Variants in RBM48 observed in about 807,000 individuals in gnomAD.
RBM48 encodes RNA-binding protein 48.
A neutral mutation model predicts 34.8 loss-of-function variants in RBM48; 32 were observed. The observed-to-expected ratio is 0.92, with a 90% CI of 0.69 to 1.23. The LOEUF is 1.23. Among genes scored for constraint, RBM48 ranks in the 50% most tolerant of loss-of-function variants. The pLI, the probability that RBM48 is intolerant of heterozygous loss-of-function variation, is 0.00. For missense variants in RBM48, 441 were observed against 447.2 expected (o/e 0.99, Z 0.12); for synonymous variants, 151 against 156.2 (o/e 0.97, Z 0.25).
At chr7:92,536,278 A>G (rs1396052571) in intron 4 of RBM48, 14 of 981,728 alleles carry the variant, frequency 1.4e-5, no homozygotes, top group Non-Finnish European at 1.5e-5. Flanking sequence ...TTCTAGGTCC[A>G]GAAATAGAAC....
chr7:92,531,132 T>G (rs1464827468), intron 2 of RBM48, among the ~76,000 whole-genome samples: 2 of 152,198 alleles, frequency 1.3e-5, no homozygotes, highest in Non-Finnish European at 2.9e-5. Context: ...CACTGCTTAC[T>G]AGCTTCATGA....
At chr7:92,532,680 G>T in intron 3 of RBM48, 131 bp downstream of exon 3, 1 of 656,918 alleles carries the variant, frequency 1.5e-6, no homozygotes, top group Non-Finnish European at 2.6e-6. Flanking sequence ...GTGAACCACA[G>T]GGTTCTCTGC....
intron 2 of RBM48, among the ~76,000 whole-genome samples, chr7:92,530,214 C>T (rs554186132): frequency 6.6e-6 from 1 of 151,058 alleles, no homozygotes; most frequent in South Asian, 2.1e-4. Flanking sequence ...GGTTTGAAGC[C>T]TGGGCGTGGT....
Position 92,539,559 on chromosome 7 carries a change from C to A in RBM48, c.*2622C>A, listed in dbSNP as rs1456085497. Among the ~76,000 whole-genome samples the A allele has an allele frequency of 6.6e-6, 1 of 152,092 alleles. No individual in the cohort carries two copies. Among genetic ancestry groups the A allele is most frequent in the African/African-American group, 2.4e-5 (1 of 41,412 alleles). ...TCTACAAAAAATACAAAAAGCCAGG[C>A]GTGGTGGCAAATGCCTATAATCCCA... On this transcript the variant is annotated 3_prime_UTR_variant, in exon 5 of 5. Transcript: ENST00000265732.
At chr7:92,536,799 C>T (rs1793724707) in intron 4 of RBM48, 52 bp from the exon 5 acceptor site, 2 of 1,518,322 alleles carry the variant, frequency 1.3e-6, no homozygotes, top group Admixed American at 2.5e-5. Context: ...AGCTTATTTA[C>T]TCCTGTGCTA....
chr7:92,533,117 G>A (rs1793616363), intron 3 of RBM48, among the ~76,000 whole-genome samples: 1 of 152,186 alleles, frequency 6.6e-6, no homozygotes, highest in Non-Finnish European at 1.5e-5. Flanking sequence ...GCCCCCACAT[G>A]CCTGTTCTAC....
chr7:92,529,413 TA>T, intron 1 of RBM48, 62 bp from the exon 2 acceptor site: 1 of 959,310 alleles, frequency 1.0e-6, no homozygotes, highest in South Asian at 1.7e-5. Flanking sequence ...TAAAAAAAAA[TA>T]GAGGCAGATT....
chr7:92,536,206 A>G (rs1562878737), intron 4 of RBM48: 1 of 985,074 alleles, frequency 1.0e-6, no homozygotes, highest in Admixed American at 6.2e-5. Context: ...GCATAGACAT[A>G]GATACATACC....
In RBM48 at chr7:92,534,935, AC is replaced by A; in HGVS notation, c.983del (p.Thr328LysfsTer5). 1 of 1,614,214 alleles carries A rather than the reference AC, an allele frequency of 6.2e-7. No homozygotes were observed. Among genetic ancestry groups the A allele is most frequent in the Non-Finnish European group, 8.5e-7 (1 of 1,180,024 alleles). ...KVDMHDDSLNTTANLIRHKLK... is the reference protein window; with the variant it reads ...KVDMHDDSLNXTANLIRHKLK... ...GGATATGCACGATGACTCATTGAAT[AC>A]AACGGCGAATTTAATTCGGCATAAA... is the stretch of plus-strand genomic sequence containing the variant. On this transcript the variant is annotated frameshift_variant, in exon 4 of 5. Transcript: ENST00000265732. LOFTEE classifies it high-confidence loss of function.
intron 2 of RBM48, 34 bp downstream of exon 2, chr7:92,529,700 C>T (rs1793498951): frequency 2.3e-6 from 3 of 1,320,312 alleles, no homozygotes; most frequent in East Asian, 2.4e-5. Context: ...CTCATTTCCT[C>T]ATTTCTTCCA....
intron 3 of RBM48, 63 bp from the exon 4 acceptor site, chr7:92,534,339 A>G (rs1255374873): frequency 2.0e-6 from 3 of 1,516,562 alleles, no homozygotes; most frequent in Admixed American, 1.9e-5. Flanking sequence ...ATGATTCTGA[A>G]TGATGAAAAC....
intron 4 of RBM48, chr7:92,536,619 C>T: frequency 8.7e-7 from 1 of 1,143,758 alleles, no homozygotes; most frequent in African/African-American, 1.6e-5. Flanking sequence ...TTTCTTCCTC[C>T]AAATTTTTTT....
chr7:92,535,084 A>G, intron 4 of RBM48, 114 bp downstream of exon 4: 2 of 1,499,302 alleles, frequency 1.3e-6, no homozygotes, highest in South Asian at 1.3e-5. Flanking sequence ...TAGTGTTTTG[A>G]TGTGTTTTTC....
intron 1 of RBM48, 118 bp downstream of exon 1, chr7:92,529,042 T>G: frequency 1.3e-6 from 1 of 788,592 alleles, no homozygotes; most frequent in Non-Finnish European, 2.2e-6. Flanking sequence ...TGTCTCTCGT[T>G]AGAGCTGGCG....
chr7:92,536,867 C>G lies in RBM48; in HGVS notation c.1034C>G (p.Pro345Arg). Residue 345 changes from proline to arginine, a missense_variant, in exon 5 of 5, where the codon CCA (proline) becomes CGA (arginine). By Grantham distance (103) the Pro-to-Arg change is moderately radical. Coordinates refer to ENST00000265732, the MANE Select transcript of RBM48 (RefSeq NM_032120.4). The part of the protein sequence containing the change: ...HKLKEVISSV[P>R]KPPEDKPEDV... ...TTTAATTAGGTAATTTCATCTGTGC[C>G]AAAGCCTCCAGAGGACAAGCCAGAA... The G allele has an allele frequency of 6.2e-7, 1 of 1,601,220 alleles. No homozygotes were observed. Among genetic ancestry groups the G allele is most frequent in the African/African-American group, 1.4e-5 (1 of 74,046 alleles).
chr7:92,534,497 G>C lies in RBM48; in HGVS notation c.544G>C (p.Ala182Pro). Residue 182 changes from alanine (A) to proline (P), a missense_variant, in exon 4 of 5, where the codon GCT (alanine) becomes CCT (proline). Transcript: ENST00000265732. The part of the protein sequence containing the change: ...FHSEMSGFCK[A>P]ALNTSAGNSN... ...CTCAGAGATGTCTGGATTTTGTAAA[G>C]CTGCTTTGAACACTTCTGCAGGGAA... 2 of 1,614,104 alleles carry C rather than the reference G, an allele frequency of 1.2e-6. No individual in the cohort carries two copies. The highest frequency in any genetic ancestry group is 1.7e-6 in the Non-Finnish European group (2 of 1,180,018).
chr7:92,531,288 A>T (rs910775494), intron 2 of RBM48, among the ~76,000 whole-genome samples: 4 of 152,226 alleles, frequency 2.6e-5, no homozygotes, highest in Non-Finnish European at 5.9e-5. Context: ...TACAGTAAAC[A>T]TTAGCTATTG....
rs1356802616 is a variant in RBM48, at chr7:92,536,996, G to A, written c.*59G>A. The stretch of plus-strand genomic sequence containing the variant: ...AACATTTATTATTTATTTTTAGCCT[G>A]TCATTTTAATTCTTCAAGAGATTTT... On this transcript the variant is annotated 3_prime_UTR_variant, in exon 5 of 5. Transcript: ENST00000265732. 1 of 1,268,370 alleles carries A rather than the reference G, an allele frequency of 7.9e-7. No individual in the cohort carries two copies. Among genetic ancestry groups the A allele is most frequent in the Non-Finnish European group, 1.1e-6 (1 of 921,116 alleles). The allele number at this position is 1,268,370 out of a possible 1,614,324, so 78.6% of individuals were successfully genotyped here.
intron 3 of RBM48, 53 bp from the exon 4 acceptor site, chr7:92,534,348 AC>A: frequency 6.5e-7 from 1 of 1,538,924 alleles, no homozygotes; most frequent in South Asian, 1.2e-5. Context: ...AATGATGAAA[AC>A]AATAAACCAC....
Sources: gnomAD v4.1 joint callset for allele counts (sites outside exome capture counted in the v4.1 genomes callset) on GRCh38, gnomAD v4.1.1 for gene constraint, MANE v1.5 for transcripts, NCBI Gene and HGNC (gene_info 2026-07-23, HGNC 2026-07-21) for gene names.